The following RPS6KC1 variants were observed in gnomAD, a reference collection of about 807,000 sequenced individuals.
The protein encoded by RPS6KC1 is inactive ribosomal protein S6 kinase delta-1.
RPS6KC1 carries 54 observed loss-of-function variants against 103.8 expected under a neutral mutation model. That is an observed-to-expected ratio of 0.52 (90% CI 0.42 to 0.65). The LOEUF is 0.65. RPS6KC1 is among the 30% of genes least tolerant of loss of function. The probability of loss-of-function intolerance (pLI) is 0.00; values close to 1 mark genes in which losing one functional copy is unlikely to be tolerated. For synonymous variants in RPS6KC1, 439 were observed against 438.7 expected (o/e 1.00, Z -0.01); for missense variants, 1,151 against 1,253.8 (o/e 0.92, Z 1.24).
Position 213,113,012 on chromosome 1 carries a change from G to A in RPS6KC1, c.379-4305G>A, listed in dbSNP as rs570131904. Among the ~76,000 whole-genome samples, 56 of 152,210 alleles carry A rather than the reference G, an allele frequency of 3.7e-4. No individual in the cohort carries two copies. In the South Asian group the frequency reaches 1.0e-2, roughly 27 times the overall value. ...AGTCTTTGCTATTGTGAATAATGCC[G>A]CAATAAACATATGTGTGCATGTGTC... On this transcript the variant is annotated intron_variant, in intron 4 of 14. Coordinates refer to ENST00000366960, the MANE Select transcript of RPS6KC1 (RefSeq NM_012424.6).
the RPS6KC1 span, among the ~76,000 whole-genome samples, chr1:213,515,552 T>C: frequency 7.2e-5 from 11 of 152,332 alleles, no homozygotes; most frequent in East Asian, 1.5e-3. Flanking sequence ...ATATGTGGCA[T>C]TATTTCTGAG....
intron 3 of RPS6KC1, among the ~76,000 whole-genome samples, chr1:213,096,830 TAATA>T (rs767642442): frequency 3.9e-4 from 59 of 152,208 alleles, no homozygotes; most frequent in Non-Finnish European, 5.6e-4. Flanking sequence ...CTTAAATAAA[TAATA>T]AATAATAAAC....
At chr1:213,237,119 T>C (rs1374110722) in intron 10 of RPS6KC1, among the ~76,000 whole-genome samples, 1 of 152,094 alleles carries the variant, frequency 6.6e-6, no homozygotes, top group East Asian at 1.9e-4. Flanking sequence ...GAGCTTGCAT[T>C]TTTTCCCCCA....
the RPS6KC1 span, among the ~76,000 whole-genome samples, chr1:213,835,100 T>G: frequency 2.0e-5 from 3 of 152,066 alleles, no homozygotes; most frequent in South Asian, 6.2e-4. Flanking sequence ...AAAATCGAAA[T>G]TAAATTAAAA....
chr1:213,360,158 A>G, the RPS6KC1 span, among the ~76,000 whole-genome samples: 1 of 152,186 alleles, frequency 6.6e-6, no homozygotes, highest in Non-Finnish European at 1.5e-5. Context: ...GTGTTTTCCA[A>G]CTTGGTTCCA....
the RPS6KC1 span, among the ~76,000 whole-genome samples, chr1:213,844,510 T>TA: frequency 6.6e-6 from 1 of 152,218 alleles, no homozygotes. Flanking sequence ...TTTTCTCCAT[T>TA]AAAAAATTAG....
At chr1:213,739,135 C>G in the RPS6KC1 span, among the ~76,000 whole-genome samples, 1 of 152,104 alleles carries the variant, frequency 6.6e-6, no homozygotes, top group Admixed American at 6.6e-5. Flanking sequence ...CCAGTCCTTC[C>G]TCTTCCTCCT....
the RPS6KC1 span, among the ~76,000 whole-genome samples, chr1:213,839,571 T>G: frequency 7.2e-5 from 11 of 152,164 alleles, no homozygotes; most frequent in African/African-American, 2.4e-4. Flanking sequence ...TGTCTACCTC[T>G]CCTCGCCTCT....
At chr1:213,288,890 C>T in the RPS6KC1 span, among the ~76,000 whole-genome samples, 2 of 152,014 alleles carry the variant, frequency 1.3e-5, no homozygotes, top group African/African-American at 2.4e-5. Flanking sequence ...ATCATCTCTC[C>T]ACCCTTCCTT....
chr1:213,745,800 CT>C, the RPS6KC1 span, among the ~76,000 whole-genome samples: 1 of 152,276 alleles, frequency 6.6e-6, no homozygotes, highest in East Asian at 1.9e-4. Context: ...CACTTTTCTC[CT>C]GGGAAGGCTC....
chr1:213,516,917 G>A, the RPS6KC1 span, among the ~76,000 whole-genome samples: 1 of 152,118 alleles, frequency 6.6e-6, no homozygotes, highest in Admixed American at 6.5e-5. Flanking sequence ...CTGTTATTGG[G>A]CTATTCAGAG....
chr1:213,147,767 T>C (rs1375039409), intron 6 of RPS6KC1, among the ~76,000 whole-genome samples: 2 of 152,328 alleles, frequency 1.3e-5, no homozygotes, highest in East Asian at 3.9e-4. Flanking sequence ...TTCCATTGGA[T>C]CTGTAGATTG....
At chr1:213,687,986 G>A in the RPS6KC1 span, among the ~76,000 whole-genome samples, 8 of 152,184 alleles carry the variant, frequency 5.3e-5, no homozygotes, top group African/African-American at 9.7e-5. Context: ...CTGAGTAAGC[G>A]TGGGTTTATG....
At chr1:213,498,164 A>C in the RPS6KC1 span, among the ~76,000 whole-genome samples, 2 of 152,178 alleles carry the variant, frequency 1.3e-5, no homozygotes, top group African/African-American at 4.8e-5. Flanking sequence ...TCTGACAAAG[A>C]TAACAACCAA....
the RPS6KC1 span, among the ~76,000 whole-genome samples, chr1:213,517,761 T>G: frequency 1.3e-5 from 2 of 152,206 alleles, no homozygotes; most frequent in African/African-American, 4.8e-5. Context: ...GGTGCAGAGC[T>G]GAGTTCAGTT....
chr1:213,530,065 AT>A, the RPS6KC1 span, among the ~76,000 whole-genome samples: 2 of 148,982 alleles, frequency 1.3e-5, no homozygotes, highest in African/African-American at 2.5e-5. Context: ...TATTATTATT[AT>A]TATACGATAA....
chr1:213,428,472 CCCTCCCTCCCTT>C, the RPS6KC1 span, among the ~76,000 whole-genome samples: 90 of 34,148 alleles, frequency 2.6e-3, 1 homozygote, highest in African/African-American at 0.011. Flanking sequence ...TTTCCTCCCT[CCCTCCCTCCCTT>C]CCTTCCTTCC....
At chr1:213,452,870 T>C in the RPS6KC1 span, among the ~76,000 whole-genome samples, 7 of 152,244 alleles carry the variant, frequency 4.6e-5, no homozygotes, top group African/African-American at 1.7e-4. Flanking sequence ...TACTTGGCTT[T>C]GGAATGCCTT....
At chr1:213,490,313 C>G in the RPS6KC1 span, among the ~76,000 whole-genome samples, 1 of 152,314 alleles carries the variant, frequency 6.6e-6, no homozygotes, top group Non-Finnish European at 1.5e-5. Context: ...TATGGCAACA[C>G]ATAAAATGAA....
Sources: gnomAD v4.1 joint callset for allele counts (sites outside exome capture counted in the v4.1 genomes callset) on GRCh38, gnomAD v4.1.1 for gene constraint, MANE v1.5 for transcripts, NCBI Gene and HGNC (gene_info 2026-07-23, HGNC 2026-07-21) for gene names.